The following CNTN6 variants were observed in gnomAD, a reference collection of about 807,000 sequenced individuals.
CNTN6 encodes contactin-6.
CNTN6 carries 137 observed loss-of-function variants against 122.8 expected under a neutral mutation model. That is an observed-to-expected ratio of 1.12 (90% CI 0.97 to 1.29). The LOEUF (loss-of-function observed/expected upper bound fraction) is 1.29, where lower values mean the gene tolerates loss of function less well. CNTN6 is among the 50% of genes most tolerant of loss of function. CNTN6 has a pLI of 0.00. For synonymous variants in CNTN6, 570 were observed against 426.0 expected, an observed-to-expected ratio of 1.34 and a Z score of -4.16; for missense variants, 1,634 against 1,223.4, an observed-to-expected ratio of 1.34 and a Z score of -5.01.
intron 1 of CNTN6, among the ~76,000 whole-genome samples, chr3:1,118,425 T>G (rs1467171803): frequency 6.6e-6 from 1 of 152,196 alleles, no homozygotes; most frequent in Non-Finnish European, 1.5e-5. Flanking sequence ...AAGTCCTGGT[T>G]TCATAAATGA....
intron 1 of CNTN6, among the ~76,000 whole-genome samples, chr3:1,109,427 CT>C (rs2091375673): frequency 6.6e-6 from 1 of 151,990 alleles, no homozygotes; most frequent in Admixed American, 6.6e-5. Flanking sequence ...AAAAGAAACA[CT>C]TTTAAAATGT....
At chr3:1,283,778 T>C (rs919096923) in intron 5 of CNTN6, among the ~76,000 whole-genome samples, 1 of 152,122 alleles carries the variant, frequency 6.6e-6, no homozygotes, top group Non-Finnish European at 1.5e-5. Flanking sequence ...GGTGGGCAGA[T>C]CACCTGAGGT....
rs561873638 is a variant in CNTN6 at position 1,216,119 on chromosome 3, T to G, written c.56-4568T>G. 7.2e-5 allele frequency among the ~76,000 whole-genome samples: 11 copies of G among 151,994 alleles called. 1 individual carries two copies. The highest frequency in any genetic ancestry group is 7.2e-4 in the Admixed American group (11 of 15,260). On this transcript the variant is annotated intron_variant, in intron 2 of 22. Transcript: ENST00000446702. ...GACATTATTAATTGGTTAAACAGAG[T>G]CAGCTTTACTATCCATATTTCCCCA...
chr3:1,206,139 G>T lies in CNTN6; in HGVS notation c.56-14548G>T, dbSNP rs144180430. Among the ~76,000 whole-genome samples the T allele has an allele frequency of 1.8e-3, 272 of 152,024 alleles. 3 individuals are homozygous for T. Among genetic ancestry groups the T allele is most frequent in the African/African-American group, 6.2e-3 (257 of 41,458 alleles). The stretch of plus-strand genomic sequence containing the variant: ...TTTCCATGTCCATATTGAAATTTTC[G>T]CAAGTTTTCCTGATATGTCCTATCA... On this transcript the variant is annotated intron_variant, in intron 2 of 22. Coordinates refer to ENST00000446702, the MANE Select transcript of CNTN6 (RefSeq NM_001289080.2).
intron 4 of CNTN6, among the ~76,000 whole-genome samples, chr3:1,252,557 A>T (rs2094688405): frequency 6.6e-6 from 1 of 152,208 alleles, no homozygotes; most frequent in Non-Finnish European, 1.5e-5. Context: ...TACAACAAAC[A>T]CTTTAAAACA....
At position 1,332,526 on chromosome 3, in the gene CNTN6, G is replaced by GGAAGGAAA. The variant is rs1185468906; in HGVS notation, c.1364+2597_1364+2598insAAGAAGGA. ...AGGAAGGAAGGAAGGAAGGAAGGAA[G>GGAAGGAAA]GAAGGAGGGAGGGAAGGAAGGAAGA... On this transcript the variant is annotated intron_variant, in intron 11 of 22. Transcript: ENST00000446702. 8.0e-5 allele frequency among the ~76,000 whole-genome samples: 12 copies of GGAAGGAAA among 149,702 alleles called. No individual in the cohort carries two copies. The South Asian group carries it at 2.6e-3, about 32-fold the overall frequency.
At chr3:1,116,901 C>A (rs530063323) in intron 1 of CNTN6, among the ~76,000 whole-genome samples, 1 of 152,012 alleles carries the variant, frequency 6.6e-6, no homozygotes, top group Non-Finnish European at 1.5e-5. Flanking sequence ...GACAAGGTTT[C>A]GCCATGTTGG....
At chr3:1,245,224 AT>A (rs1263174645) in intron 4 of CNTN6, among the ~76,000 whole-genome samples, 15 of 19,938 alleles carry the variant, frequency 7.5e-4, no homozygotes, top group East Asian at 2.2e-3. Flanking sequence ...ATATATATAT[AT>A]ATATATATAT....
chr3:1,394,046 C>G (rs1335427802), intron 20 of CNTN6: 1 of 157,332 alleles, frequency 6.4e-6, no homozygotes, highest in East Asian at 1.9e-4. Flanking sequence ...TGCCTTTCCC[C>G]AAGGTCACAC....
intron 11 of CNTN6, among the ~76,000 whole-genome samples, chr3:1,330,719 G>A (rs1260936441): frequency 1.3e-5 from 2 of 151,840 alleles, no homozygotes; most frequent in African/African-American, 4.8e-5. Flanking sequence ...AGCATCATAT[G>A]TTCCATGACT....
chr3:1,376,915 T>C (rs555230989), intron 16 of CNTN6, 90 bp from the exon 17 acceptor site: 2 of 855,916 alleles, frequency 2.3e-6, no homozygotes, highest in Non-Finnish European at 3.8e-6. Context: ...CTGTGTGAGA[T>C]TTTGAAAAGT....
At chr3:1,094,069 A>C (rs148529712) in intron 1 of CNTN6, among the ~76,000 whole-genome samples, 9 of 152,346 alleles carry the variant, frequency 5.9e-5, no homozygotes, top group African/African-American at 2.2e-4. Context: ...TGAGGTATTC[A>C]TAATTTTATC....
At chr3:1,357,022 T>C (rs988385103) in intron 12 of CNTN6, among the ~76,000 whole-genome samples, 1 of 151,928 alleles carries the variant, frequency 6.6e-6, no homozygotes, top group African/African-American at 2.4e-5. Context: ...TCACAATCTT[T>C]TTTAAAATGC....
intron 5 of CNTN6, among the ~76,000 whole-genome samples, chr3:1,287,141 T>C (rs961585997): frequency 6.6e-6 from 1 of 152,114 alleles, no homozygotes; most frequent in East Asian, 1.9e-4. Context: ...AACACCCCAC[T>C]GTCAATATTA....
chr3:1,364,964 T>C (rs1189261148), intron 12 of CNTN6, among the ~76,000 whole-genome samples: 1 of 151,974 alleles, frequency 6.6e-6, no homozygotes, highest in East Asian at 1.9e-4. Context: ...TCATGAATGA[T>C]TGTCATTTAT....
intron 11 of CNTN6, among the ~76,000 whole-genome samples, chr3:1,343,398 A>T (rs1449735578): frequency 5.3e-5 from 8 of 152,126 alleles, no homozygotes. Context: ...GGCATCAGCA[A>T]ACTAACAGAA....
intron 7 of CNTN6, among the ~76,000 whole-genome samples, chr3:1,310,260 G>A (rs968598636): frequency 6.6e-6 from 1 of 152,046 alleles, no homozygotes; most frequent in Non-Finnish European, 1.5e-5. Flanking sequence ...TACATTTTTT[G>A]GCAGACATTT....
intron 20 of CNTN6, among the ~76,000 whole-genome samples, chr3:1,390,324 G>A (rs1291347800): frequency 8.6e-5 from 13 of 151,840 alleles, no homozygotes; most frequent in East Asian, 3.9e-4. Flanking sequence ...GATACATAAC[G>A]AAATGAAGGC....
chr3:1,312,374 C>A (rs3772304), intron 7 of CNTN6, among the ~76,000 whole-genome samples: 14,823 of 151,756 alleles, frequency 0.098, 829 homozygotes, highest in East Asian at 0.17. Flanking sequence ...CCTTTCCATC[C>A]CAGTCTATCA....
Sources: gnomAD v4.1 joint callset for allele counts (sites outside exome capture counted in the v4.1 genomes callset) on GRCh38, gnomAD v4.1.1 for gene constraint, MANE v1.5 for transcripts, NCBI Gene and HGNC (gene_info 2026-07-23, HGNC 2026-07-21) for gene names.